The following COL4A5 variants were observed in gnomAD, a reference collection of about 807,000 sequenced individuals.
COL4A5 encodes collagen alpha-5(IV) chain.
COL4A5 carries 26 observed loss-of-function variants against 130.2 expected under a neutral mutation model. The observed-to-expected ratio is 0.20, with a 90% CI of 0.15 to 0.28. COL4A5 has a LOEUF of 0.28. COL4A5 is among the 10% of genes least tolerant of loss of function. The probability of loss-of-function intolerance (pLI) is 1.00; values close to 1 mark genes in which losing one functional copy is unlikely to be tolerated. For missense variants in COL4A5, 1,131 were observed against 1,344.3 expected (o/e 0.84, Z 2.48); for synonymous variants, 496 against 439.6 (o/e 1.13, Z -1.60).
At chrX:108,623,247 T>A (rs1220880139) in intron 33 of COL4A5, among the ~76,000 whole-genome samples, 1 of 111,887 alleles carries the variant, frequency 8.9e-6, no homozygotes, top group East Asian at 2.8e-4. Context: ...TGTTTTGATA[T>A]CCATATCATA....
intron 1 of COL4A5, among the ~76,000 whole-genome samples, chrX:108,510,883 TG>T (rs1239923373): frequency 1.8e-5 from 2 of 111,728 alleles, no homozygotes; most frequent in Admixed American, 9.5e-5. Flanking sequence ...CACATATTCA[TG>T]GGGTGCATAG....
intron 1 of COL4A5, among the ~76,000 whole-genome samples, chrX:108,512,428 C>T (rs2065186415): frequency 8.9e-6 from 1 of 112,368 alleles, no homozygotes; most frequent in Admixed American, 9.4e-5. Context: ...GTAAGACTTT[C>T]ACTCAGTATG....
chrX:108,666,233 C>T (rs2147954558), intron 38 of COL4A5, among the ~76,000 whole-genome samples: 1 of 111,284 alleles, frequency 9.0e-6, no homozygotes, highest in Non-Finnish European at 1.9e-5. Flanking sequence ...CATATGAGGC[C>T]TATAATTCTC....
chrX:108,547,985 C>T (rs1287484684), intron 2 of COL4A5, among the ~76,000 whole-genome samples: 9 of 111,805 alleles, frequency 8.0e-5, no homozygotes, highest in Admixed American at 2.8e-4. Context: ...GGGAGTGACC[C>T]GATTTTCCAG....
At chrX:108,499,203 G>A (rs751203121) in intron 1 of COL4A5, among the ~76,000 whole-genome samples, 96 of 111,146 alleles carry the variant, frequency 8.6e-4, no homozygotes, top group African/African-American at 3.0e-3. Flanking sequence ...TATCATGAAT[G>A]GATATTGAAT....
At chrX:108,646,974 G>A (rs2067605494) in intron 36 of COL4A5, among the ~76,000 whole-genome samples, 1 of 110,163 alleles carries the variant, frequency 9.1e-6, no homozygotes, top group Non-Finnish European at 1.9e-5. Flanking sequence ...TGCTGTTTTG[G>A]TGACTGTAGC....
chrX:108,516,146 T>C (rs2065218732), intron 1 of COL4A5, among the ~76,000 whole-genome samples: 1 of 112,160 alleles, frequency 8.9e-6, no homozygotes, highest in Admixed American at 9.4e-5. Flanking sequence ...GTTGATCCAC[T>C]TGGTGTAAAG....
At chrX:108,683,184 C>G (rs772070415) in intron 47 of COL4A5, among the ~76,000 whole-genome samples, 1 of 111,365 alleles carries the variant, frequency 9.0e-6, no homozygotes, top group African/African-American at 3.3e-5. Flanking sequence ...TCAGGTTTGC[C>G]AAATATCAGA....
rs144604098 is a variant in COL4A5, at chrX:108,682,934, A to G, written c.4216+1046A>G. Among the ~76,000 whole-genome samples the G allele has an allele frequency of 8.9e-3, 997 of 111,604 alleles. 7 individuals are homozygous for G. The highest frequency in any genetic ancestry group is 0.015 in the Non-Finnish European group (778 of 53,073). On this transcript the variant is annotated intron_variant, in intron 47 of 52. Coordinates refer to ENST00000328300, the MANE Select transcript of COL4A5 (RefSeq NM_033380.3). ...TTTGTCAATTTTGGCTTTTGTTGCC[A>G]TTGCTTTTGGTGTTTTAGTCATGAA...
At chrX:108,627,507 C>T in intron 36 of COL4A5, 3 of 736,345 alleles carry the variant, frequency 4.1e-6, no homozygotes, top group African/African-American at 2.3e-5. Flanking sequence ...TTCAATATAT[C>T]TTAGACAATT....
chrX:108,497,474 A>G (rs1003695259), intron 1 of COL4A5, among the ~76,000 whole-genome samples: 3 of 111,040 alleles, frequency 2.7e-5, no homozygotes, highest in Admixed American at 1.9e-4. Context: ...ATCATTTTCT[A>G]TTTTCACCAG....
chrX:108,648,256 T>C (rs2067649709), intron 36 of COL4A5, among the ~76,000 whole-genome samples: 1 of 110,653 alleles, frequency 9.0e-6, no homozygotes, highest in South Asian at 3.9e-4. Context: ...CTTGAAATGG[T>C]AATTAAAAAA....
chrX:108,591,688 T>G (rs772980994), intron 21 of COL4A5, 44 bp downstream of exon 21: 2 of 1,053,064 alleles, frequency 1.9e-6, no homozygotes, highest in Non-Finnish European at 2.7e-6. Context: ...TCTTCATTCT[T>G]TCAAATCATC....
chrX:108,630,450 T>C (rs1366625576), intron 36 of COL4A5, among the ~76,000 whole-genome samples: 1 of 112,213 alleles, frequency 8.9e-6, no homozygotes, highest in Non-Finnish European at 1.9e-5. Context: ...GCTGCATAAA[T>C]GTCTTTTGAG....
At chrX:108,642,858 A>G (rs2067500523) in intron 36 of COL4A5, among the ~76,000 whole-genome samples, 1 of 108,496 alleles carries the variant, frequency 9.2e-6, no homozygotes, top group Non-Finnish European at 1.9e-5. Flanking sequence ...CAAAAAAAAA[A>G]AAAAAAAAAA....
rs201220208 is a variant in COL4A5 at position 108,692,786 on chromosome X, C to A, written c.4567C>A (p.Pro1523Thr). The A allele has an allele frequency of 1.2e-4, 140 of 1,209,548 alleles. No individual in the cohort carries two copies. Among genetic ancestry groups the A allele is most frequent in the Non-Finnish European group, 1.1e-4 (101 of 894,962 alleles). ...GSCLRRFSTMPFMFCNINNVC... is the reference protein window; with the variant it reads ...GSCLRRFSTMTFMFCNINNVC... ...CTGCCTTCGTCGCTTTAGTACCATG[C>A]CTTTCATGTTCTGCAACATCAATAA... Residue 1523 changes from proline to threonine, a missense_variant, in exon 50 of 53, where the codon CCT (proline) becomes ACT (threonine). Coordinates refer to ENST00000328300, the MANE Select transcript of COL4A5 (RefSeq NM_033380.3).
At chrX:108,612,529 A>T (rs1197711851) in intron 29 of COL4A5, among the ~76,000 whole-genome samples, 1 of 111,964 alleles carries the variant, frequency 8.9e-6, no homozygotes, top group East Asian at 2.8e-4. Context: ...TAAAAATTAA[A>T]CAAAAACAGT....
At chrX:108,473,633 A>ATATATATATATATATATATATATT in intron 1 of COL4A5, among the ~76,000 whole-genome samples, 7 of 34,556 alleles carry the variant, frequency 2.0e-4, no homozygotes, top group Non-Finnish European at 3.0e-4. Context: ...ATATATATAT[A>ATATATATATATATATATATATATT]TTTTTTTTTT....
At chrX:108,679,734 G>A (rs2068385652) in intron 44 of COL4A5, among the ~76,000 whole-genome samples, 1 of 105,642 alleles carries the variant, frequency 9.5e-6, no homozygotes, top group South Asian at 3.9e-4. Flanking sequence ...GGTGGCTGAG[G>A]GGGGATGATT....
Sources: allele counts gnomAD v4.1 joint callset (sites outside exome capture counted in the v4.1 genomes callset), GRCh38; gene constraint gnomAD v4.1.1; transcripts MANE v1.5; gene names NCBI Gene and HGNC (gene_info 2026-07-23, HGNC 2026-07-21).